Variants in ZNF268 observed in about 807,000 individuals in gnomAD.
ZNF268 encodes zinc finger protein 268, also known as zinc finger protein 3.
Under a neutral mutation model 29.3 loss-of-function variants are expected in ZNF268, and 20 were observed. That is an observed-to-expected ratio of 0.68 (90% CI 0.48 to 0.99). The LOEUF is 0.99. Ranked by LOEUF, ZNF268 falls within the 50% of genes least tolerant of loss-of-function variation. The pLI is 0.00. For synonymous variants in ZNF268, 429 were observed against 376.9 expected (o/e 1.14, Z -1.60); for missense variants, 1,240 against 1,121.6 (o/e 1.11, Z -1.51).
intron 2 of ZNF268, among the ~76,000 whole-genome samples, chr12:133,184,268 A>AT (rs200474894): frequency 0.054 from 8,094 of 149,548 alleles, 707 homozygotes; most frequent in African/African-American, 0.19. Flanking sequence ...CGCCCAGCTA[A>AT]TTTTTTTTTT....
Position 133,204,443 on chromosome 12 carries a change from T to G in ZNF268, c.2757T>G (p.Pro919=), listed in dbSNP as rs1370575594. 1 of 1,560,754 alleles carries G rather than the reference T, an allele frequency of 6.4e-7. No individual in the cohort carries two copies. Among genetic ancestry groups the G allele is most frequent in the Non-Finnish European group, 8.6e-7 (1 of 1,158,738 alleles). ...AGAGAACACATACAGGAGAGAAGCC[T>G]TGTAAGTGCACTGAATGTGGGAAAG... ...AHQRTHTGEK[P]CKCTECGKAF... Residue 919 remains proline, a synonymous_variant, in exon 6 of 6, where the codon CCT becomes CCG. Coordinates refer to ENST00000536435, the MANE Select transcript of ZNF268 (RefSeq NM_003415.3).
At position 133,211,546 on chromosome 12, in the gene ZNF268, A is replaced by G. The variant is rs1181839416; in HGVS notation, c.*7016A>G. 2 of 155,830 alleles carry G rather than the reference A, an allele frequency of 1.3e-5. No homozygotes were observed. Among genetic ancestry groups the G allele is most frequent in the African/African-American group, 4.8e-5 (2 of 41,250 alleles). The allele number at this position is 155,830 out of a possible 1,614,324, so 9.7% of individuals were successfully genotyped here. ...GGTTGCTGTGAGCCGAGATCGCGCC[A>G]TTGCACTCCAGCCTGGGCAACAAGA... On this transcript the variant is annotated 3_prime_UTR_variant, in exon 6 of 6. Coordinates refer to ENST00000536435, the MANE Select transcript of ZNF268 (RefSeq NM_003415.3).
chr12:133,192,031 CTTT>C (rs1444130020), intron 5 of ZNF268, 28 bp downstream of exon 5: 1 of 1,563,068 alleles, frequency 6.4e-7, no homozygotes, highest in Non-Finnish European at 8.8e-7. Flanking sequence ...ATCTTTTCTT[CTTT>C]ATTTAGAATT....
At chr12:133,198,133 G>A (rs1452249168) in intron 5 of ZNF268, among the ~76,000 whole-genome samples, 2 of 150,310 alleles carry the variant, frequency 1.3e-5, no homozygotes, top group East Asian at 1.9e-4. Context: ...GAATGGTAAT[G>A]CCTGGGTTTT....
rs1379725547 is a variant in ZNF268 at position 133,205,975 on chromosome 12, A to G, written c.*1445A>G. Reference sequence around the variant, plus strand: ...GTTGATGTAATAAGTAGCTATTTCAATAGAGGTTCCCAGAACAGCTTTTGT... The same window carrying G: ...GTTGATGTAATAAGTAGCTATTTCAGTAGAGGTTCCCAGAACAGCTTTTGT... On this transcript the variant is annotated 3_prime_UTR_variant, in exon 6 of 6. Coordinates refer to ENST00000536435, the MANE Select transcript of ZNF268 (RefSeq NM_003415.3). The G allele has an allele frequency of 2.0e-5, 3 of 152,190 alleles. No homozygotes were observed. Among genetic ancestry groups the G allele is most frequent in the Non-Finnish European group, 4.4e-5 (3 of 68,028 alleles). The allele number at this position is 152,190 out of a possible 1,614,324, so 9.4% of individuals were successfully genotyped here.
At chr12:133,199,641 A>G in intron 5 of ZNF268, among the ~76,000 whole-genome samples, 1 of 152,038 alleles carries the variant, frequency 6.6e-6, no homozygotes. Context: ...CTCTGGTAGA[A>G]TTTGGCTGTG....
Position 133,203,954 on chromosome 12 carries a change from A to G in ZNF268, c.2268A>G (p.Glu756=). 6.3e-7 allele frequency: 1 copy of G among 1,594,450 alleles called. No homozygotes were observed. ...HTGENPYECS[E]CGKAFNRKDQ... ...GAGAAAATCCCTATGAATGCAGTGA[A>G]TGTGGGAAAGCCTTTAATAGGAAAG... is the stretch of plus-strand genomic sequence containing the variant. The change falls in exon 6 of 6, where the codon GAA becomes GAG. Residue 756 remains glutamate (E), a synonymous_variant. Coordinates refer to ENST00000536435, the MANE Select transcript of ZNF268 (RefSeq NM_003415.3).
At position 133,208,695 on chromosome 12, in the gene ZNF268, A is replaced by C. The variant is rs1237520626; in HGVS notation, c.*4165A>C. On this transcript the variant is annotated 3_prime_UTR_variant, in exon 6 of 6. Transcript: ENST00000536435. ...AATTACAAGAATGCGCATCACTTTTATGAAATGAGTAACATCTAGCCAAGG... is the reference window on the plus strand; with the variant it reads ...AATTACAAGAATGCGCATCACTTTTCTGAAATGAGTAACATCTAGCCAAGG... The C allele has an allele frequency of 6.6e-6, 1 of 152,230 alleles. No homozygotes were observed. Among genetic ancestry groups the C allele is most frequent in the Non-Finnish European group, 1.5e-5 (1 of 68,046 alleles). 9.4% of individuals were successfully genotyped at this position (152,230 alleles called of 1,614,324 possible).
intron 3 of ZNF268, among the ~76,000 whole-genome samples, chr12:133,190,153 A>T (rs183196926): frequency 6.6e-6 from 1 of 152,318 alleles, no homozygotes; most frequent in East Asian, 1.9e-4. Flanking sequence ...GCGTCTTCCA[A>T]GGAATATGTC....
chr12:133,187,078 A>G (rs1956339085), intron 2 of ZNF268, among the ~76,000 whole-genome samples: 1 of 152,198 alleles, frequency 6.6e-6, no homozygotes, highest in Non-Finnish European at 1.5e-5. Context: ...GTTTTCAACC[A>G]GTTATGTAGT....
Position 133,203,448 on chromosome 12 carries a change from G to C in ZNF268, c.1762G>C (p.Asp588His). Residue 588 changes from aspartate (D) to histidine (H), a missense_variant, in exon 6 of 6, where the codon GAC becomes CAC. Physicochemically the swap from Asp to His is moderately conservative, Grantham distance 81. Coordinates refer to ENST00000536435, the MANE Select transcript of ZNF268 (RefSeq NM_003415.3). ...AGGAGAGAAGCCTTATGAATGCACCGACTGTGGAAAGGCTTTTGGTTTAAA... is the reference window on the plus strand; with the variant it reads ...AGGAGAGAAGCCTTATGAATGCACCCACTGTGGAAAGGCTTTTGGTTTAAA... ...HAGEKPYECT[D>H]CGKAFGLKSQ... 6.5e-7 allele frequency: 1 copy of C among 1,542,448 alleles called. No individual in the cohort carries two copies. Among genetic ancestry groups the C allele is most frequent in the Non-Finnish European group, 8.7e-7 (1 of 1,148,622 alleles).
At chr12:133,187,224 G>A (rs545930098) in intron 2 of ZNF268, among the ~76,000 whole-genome samples, 5 of 150,894 alleles carry the variant, frequency 3.3e-5, no homozygotes, top group East Asian at 3.9e-4. Context: ...CTTCTAGGTC[G>A]TTGGCGCTTT....
intron 2 of ZNF268, among the ~76,000 whole-genome samples, chr12:133,185,135 A>G (rs1214345725): frequency 1.3e-5 from 2 of 150,896 alleles, no homozygotes; most frequent in East Asian, 2.0e-4. Flanking sequence ...CAGTGAGCCA[A>G]GATCACGCCA....
In ZNF268 at chr12:133,202,681, ATGAATGCAG is replaced by A. The variant is rs774599792; in HGVS notation, c.1005_1013del (p.Ser335_Cys337del). 2 of 1,609,468 alleles carry A rather than the reference ATGAATGCAG, an allele frequency of 1.2e-6. No individual in the cohort carries two copies. The highest frequency in any genetic ancestry group is 3.4e-5 in the Admixed American group (2 of 59,108). ...AGAATTCATACAGGAGAGAAACTAC[ATGAATGCAG>A]TGAATGCAGGAAAACATTCAGTTTC... On this transcript the variant is annotated inframe_deletion, in exon 6 of 6. Transcript: ENST00000536435.
chr12:133,191,819 C>T, intron 4 of ZNF268, 89 bp from the exon 5 acceptor site: 1 of 1,522,648 alleles, frequency 6.6e-7, no homozygotes, highest in Non-Finnish European at 9.1e-7. Context: ...CTTCATCATG[C>T]TACCTCCAAA....
In ZNF268 at chr12:133,191,977, C is replaced by G; in HGVS notation, c.431C>G (p.Ala144Gly). Reference sequence around the variant, plus strand: ...GGAGAAGAGCTGTGTATGGTGCAGGCCCAAGTTCCAAATCAGACCTGTCCA... The same window carrying G: ...GGAGAAGAGCTGTGTATGGTGCAGGGCCAAGTTCCAAATCAGACCTGTCCA... ...EQGEELCMVQ[A>G]QVPNQTCPNT... Residue 144 changes from alanine to glycine, a missense_variant, in exon 5 of 6, where the codon GCC becomes GGC. This residue lies in a region of ZNF268 where 1,177 missense variants were observed against 1,039.6 expected (regional missense o/e 1.13). Coordinates refer to ENST00000536435, the MANE Select transcript of ZNF268 (RefSeq NM_003415.3). The G allele has an allele frequency of 6.2e-7, 1 of 1,613,718 alleles. No homozygotes were observed. The highest frequency in any genetic ancestry group is 8.5e-7 in the Non-Finnish European group (1 of 1,179,652).
intron 5 of ZNF268, among the ~76,000 whole-genome samples, chr12:133,195,379 T>C (rs1956568356): frequency 6.6e-6 from 1 of 152,170 alleles, no homozygotes. Context: ...AGCTTAAGAA[T>C]GCCTGATCAT....
Position 133,214,769 on chromosome 12 carries a change from A to AT in ZNF268, c.*10244dup, listed in dbSNP as rs1210101856. The AT allele has an allele frequency of 6.6e-6, 1 of 152,220 alleles. No individual in the cohort carries two copies. The highest frequency in any genetic ancestry group is 6.5e-5 in the Admixed American group (1 of 15,286). The allele number at this position is 152,220 out of a possible 1,614,324, so 9.4% of individuals were successfully genotyped here. On this transcript the variant is annotated 3_prime_UTR_variant, in exon 6 of 6. Coordinates refer to ENST00000536435, the MANE Select transcript of ZNF268 (RefSeq NM_003415.3). Reference sequence around the variant, plus strand: ...TGGACTAAATGTCACAGAAATGTACATTTTTAAAAGTTAATTTTATATTGT... The same window carrying AT: ...TGGACTAAATGTCACAGAAATGTACATTTTTTAAAAGTTAATTTTATATTGT...
intron 2 of ZNF268, among the ~76,000 whole-genome samples, chr12:133,182,467 C>T (rs538611095): frequency 4.5e-4 from 68 of 152,112 alleles, no homozygotes; most frequent in Non-Finnish European, 7.2e-4. Context: ...CTTATCATCC[C>T]TGTCTTGAAG....
Sources: allele counts gnomAD v4.1 joint callset (sites outside exome capture counted in the v4.1 genomes callset), GRCh38; gene constraint gnomAD v4.1.1; regional missense constraint gnomAD v4.1.1; transcripts MANE v1.5; gene names NCBI Gene and HGNC (gene_info 2026-07-23, HGNC 2026-07-21).